DNAAF3: variants seen among roughly 807,000 people sequenced by gnomAD.
DNAAF3 encodes the protein dynein axonemal assembly factor 3, also known as UPF0470 protein C19orf51.
Under a neutral mutation model 50.9 loss-of-function variants are expected in DNAAF3, and 40 were observed. That is an observed-to-expected ratio of 0.79 (90% confidence interval 0.61 to 1.02). The LOEUF (loss-of-function observed/expected upper bound fraction) is 1.02. DNAAF3 is among the 50% of genes least tolerant of loss of function. The pLI is 0.00. For synonymous variants in DNAAF3, 327 were observed against 322.8 expected, an observed-to-expected ratio of 1.01 and a Z score of -0.14; for missense variants, 763 against 744.7, an observed-to-expected ratio of 1.02 and a Z score of -0.29.
At position 55,161,118 on chromosome 19, in the gene DNAAF3, T is replaced by C. The variant is rs377241953; in HGVS notation, c.859A>G (p.Ile287Val). Reference sequence around the variant, plus strand: ...AGGAGGCTCTCGTCGTCCGCTTCGATGCCGAAGGCCACGAAGGGCCCCGTG... The same window carrying C: ...AGGAGGCTCTCGTCGTCCGCTTCGACGCCGAAGGCCACGAAGGGCCCCGTG... ...IATGPFVAFGIEADDESLLRT... is the reference protein window; with the variant it reads ...IATGPFVAFGVEADDESLLRT... Residue 287 changes from isoleucine to valine, a missense_variant, in exon 8 of 12, where the codon ATC (isoleucine) becomes GTC (valine). Transcript: ENST00000524407. The surrounding 1 kb of genome is among the most constrained non-coding windows in gnomAD (Gnocchi z 6.4). The C allele has an allele frequency of 1.3e-6, 2 of 1,546,780 alleles. No individual in the cohort carries two copies. The highest frequency in any genetic ancestry group is 2.0e-5 in the Admixed American group (1 of 51,028).
chr19:55,165,840 A>T lies in DNAAF3; in HGVS notation c.228+18T>A, dbSNP rs752341373. ...CAAGGACTCGGGAATCTGGGCTCTC[A>T]TCTTCATCCCAGCTCACGTTGAACC... On this transcript the variant is annotated intron_variant, in intron 3 of 11. Transcript: ENST00000524407. The T allele has an allele frequency of 6.2e-7, 1 of 1,612,450 alleles. No homozygotes were observed. The highest frequency in any genetic ancestry group is 2.2e-5 in the East Asian group (1 of 44,832).
In DNAAF3 at chr19:55,166,582, C is replaced by CCCCG. The variant is rs2085943061; in HGVS notation, c.-65_-64insCGGG. 1.2e-6 allele frequency: 2 copies of CCCCG among 1,614,166 alleles called. No homozygotes were observed. The highest frequency in any genetic ancestry group is 4.5e-5 in the East Asian group (2 of 44,882). On this transcript the variant is annotated 5_prime_UTR_variant, in exon 1 of 12. Transcript: ENST00000524407. This position sits in a 1 kb window ranked among gnomAD's most constrained non-coding sequence, Gnocchi z 4.0. ...TCTCTGCTCAGTGCAGCACTGTGGA[C>CCCCG]CCGCGGCACTCCACAACCGCTGCCC...
chr19:55,165,317 C>T, intron 4 of DNAAF3, 53 bp downstream of exon 4: 1 of 1,539,344 alleles, frequency 6.5e-7, no homozygotes, highest in South Asian at 1.1e-5. Context: ...CAGAATCCCT[C>T]TAGGGAGGGG....
Position 55,161,480 on chromosome 19 carries a change from C to A in DNAAF3, c.664-62G>T. ...AACCGAGCGTGGAGAGACCCCTACACCAGCCTCCCTCAGACCCAGGAGTCC... is the reference window on the plus strand; with the variant it reads ...AACCGAGCGTGGAGAGACCCCTACAACAGCCTCCCTCAGACCCAGGAGTCC... On this transcript the variant is annotated intron_variant, in intron 6 of 11. Coordinates refer to ENST00000524407, the MANE Select transcript of DNAAF3 (RefSeq NM_001256715.2). This position sits in a 1 kb window ranked among gnomAD's most constrained non-coding sequence, Gnocchi z 6.4. 6 of 1,541,392 alleles carry A rather than the reference C, an allele frequency of 3.9e-6. No homozygotes were observed. The highest frequency in any genetic ancestry group is 5.2e-6 in the Non-Finnish European group (6 of 1,146,052).
chr19:55,160,858 A>C lies in DNAAF3; in HGVS notation c.913-83T>G. 6.6e-7 allele frequency: 1 copy of C among 1,523,888 alleles called. No homozygotes were observed. The highest frequency in any genetic ancestry group is 8.7e-7 in the Non-Finnish European group (1 of 1,144,198). The allele number at this position is 1,523,888 out of a possible 1,614,324, so 94.4% of individuals were successfully genotyped here. ...GAACGCTGGGAGTCCTCGGTCCAGG[A>C]CTAGAACTCCCGCAGCTGCTTGGAG... is the stretch of plus-strand genomic sequence containing the variant. On this transcript the variant is annotated intron_variant, in intron 8 of 11. Coordinates refer to ENST00000524407, the MANE Select transcript of DNAAF3 (RefSeq NM_001256715.2). The surrounding 1 kb of genome is among the most constrained non-coding windows in gnomAD (Gnocchi z 4.7).
At position 55,161,404 on chromosome 19, in the gene DNAAF3, G is replaced by A. The variant is rs1430003811; in HGVS notation, c.678C>T (p.His226=). The change falls in exon 7 of 12, where the codon CAC becomes CAT. Residue 226 remains histidine, a synonymous_variant. Coordinates refer to ENST00000524407, the MANE Select transcript of DNAAF3 (RefSeq NM_001256715.2). This position sits in a 1 kb window ranked among gnomAD's most constrained non-coding sequence, Gnocchi z 6.4. ...KLHDRGAQVI[H]PQEFRRWRDT... is the part of the protein sequence containing the mutation. Reference sequence around the variant, plus strand: ...CCCGCCAGCGTCGGAACTCCTGGGGGTGAATGACTTGAGCCTGGGGTGGGG... The same window carrying A: ...CCCGCCAGCGTCGGAACTCCTGGGGATGAATGACTTGAGCCTGGGGTGGGG... 9 of 1,062,662 alleles carry A rather than the reference G, an allele frequency of 8.5e-6. No individual in the cohort carries two copies. The highest frequency in any genetic ancestry group is 1.2e-5 in the Non-Finnish European group (9 of 754,366). The allele number at this position is 1,062,662 out of a possible 1,614,324, so 65.8% of individuals were successfully genotyped here.
At chr19:55,162,364 T>G in intron 4 of DNAAF3, 74 bp from the exon 5 acceptor site, 1 of 1,234,332 alleles carries the variant, frequency 8.1e-7, no homozygotes, top group Non-Finnish European at 1.0e-6. Flanking sequence ...AATATGTTAT[T>G]ATGTCATAGT....
In DNAAF3 at chr19:55,161,310, C is replaced by T. The variant is rs370650886; in HGVS notation, c.772G>A (p.Gly258Ser). 18 of 1,609,910 alleles carry T rather than the reference C, an allele frequency of 1.1e-5. No homozygotes were observed. In the African/African-American group the frequency reaches 1.7e-4, roughly 16 times the overall value. Residue 258 changes from glycine (G) to serine (S), a missense_variant, in exon 7 of 12, where the codon GGT becomes AGT. Gly to Ser is a moderately conservative substitution (Grantham distance 56). Transcript: ENST00000524407. This position sits in a 1 kb window ranked among gnomAD's most constrained non-coding sequence, Gnocchi z 6.4. ...YHVPNRTLAS[G>S]RLLSYRGERV... ...ACACGCACGTAGCTCAGGAGGCGAC[C>T]GGACGCCAGGGTCCGGTTGGGCACA...
Position 55,161,834 on chromosome 19 carries a change from C to T in DNAAF3, c.481-9G>A. ...GCATCCCGCTCGCGGAACTGCGGGGCCAGGCACGCGGTGGGACAGAGGAAG... is the reference window on the plus strand; with the variant it reads ...GCATCCCGCTCGCGGAACTGCGGGGTCAGGCACGCGGTGGGACAGAGGAAG... On this transcript the variant is annotated splice_polypyrimidine_tract_variant and intron_variant, in intron 5 of 11. Transcript: ENST00000524407. This position sits in a 1 kb window ranked among gnomAD's most constrained non-coding sequence, Gnocchi z 6.4. The T allele has an allele frequency of 7.0e-7, 1 of 1,433,068 alleles. No homozygotes were observed. The highest frequency in any genetic ancestry group is 1.5e-5 in the African/African-American group (1 of 68,280). 88.8% of individuals were successfully genotyped at this position (1,433,068 alleles called of 1,614,324 possible).
intron 4 of DNAAF3, among the ~76,000 whole-genome samples, chr19:55,164,094 C>T (rs2085893354): frequency 6.6e-6 from 1 of 152,198 alleles, no homozygotes; most frequent in African/African-American, 2.4e-5. Flanking sequence ...CAGATGCCTG[C>T]ATCCCCTTCG....
rs978386009 is a variant in DNAAF3, at chr19:55,166,162, C to T, written c.86-162G>A. The stretch of plus-strand genomic sequence containing the variant: ...TGAGTATTCTGGGATTCGCAGTCCG[C>T]AGACAGGACCTCGGGGCTGCCCCTG... On this transcript the variant is annotated intron_variant, in intron 2 of 11. Transcript: ENST00000524407. This position sits in a 1 kb window ranked among gnomAD's most constrained non-coding sequence, Gnocchi z 4.0. 3.4e-5 allele frequency: 52 copies of T among 1,551,040 alleles called. No individual in the cohort carries two copies. In the South Asian group the frequency reaches 5.6e-4, roughly 17 times the overall value.
Position 55,165,990 on chromosome 19 carries a change from C to A in DNAAF3, c.96G>T (p.Val32=). The change falls in exon 3 of 12, where the codon GTG becomes GTT. Residue 32 remains valine, a synonymous_variant. Coordinates refer to ENST00000524407, the MANE Select transcript of DNAAF3 (RefSeq NM_001256715.2). ...CTGTATCGGCCTGGGAGTCTGGGTC[C>A]ACAGGAGGACCTGGCAAGATGACAG... is the stretch of plus-strand genomic sequence containing the variant. ...ALDLQAESPP[V]DPDSQADTVH... The A allele has an allele frequency of 6.2e-7, 1 of 1,614,218 alleles. No homozygotes were observed.
intron 4 of DNAAF3, among the ~76,000 whole-genome samples, chr19:55,163,071 G>C (rs1322055714): frequency 7.4e-6 from 1 of 135,864 alleles, no homozygotes. Flanking sequence ...GTGCAGTGGC[G>C]CGATCCCGGC....
chr19:55,163,559 T>G (rs2085883873), intron 4 of DNAAF3, among the ~76,000 whole-genome samples: 1 of 151,996 alleles, frequency 6.6e-6, no homozygotes, highest in Admixed American at 6.6e-5. Flanking sequence ...CCCAAAGTGT[T>G]AGGATTACAG....
chr19:55,165,927 G>A lies in DNAAF3; in HGVS notation c.159C>T (p.Gly53=), dbSNP rs529300481. 2 of 1,614,092 alleles carry A rather than the reference G, an allele frequency of 1.2e-6. No homozygotes were observed. Among genetic ancestry groups the A allele is most frequent in the Non-Finnish European group, 8.5e-7 (1 of 1,180,050 alleles). The change falls in exon 3 of 12, where the codon GGC becomes GGT. Residue 53 remains glycine (G), a synonymous_variant. Coordinates refer to ENST00000524407, the MANE Select transcript of DNAAF3 (RefSeq NM_001256715.2). Reference sequence around the variant, plus strand: ...GCAGCAGGTGCCGTCCATCCACAGAGCCCAGAAGCAGCACATCTAGCTCGG... The same window carrying A: ...GCAGCAGGTGCCGTCCATCCACAGAACCCAGAAGCAGCACATCTAGCTCGG... ...SNPELDVLLL[G]SVDGRHLLRT... is the part of the protein sequence containing the mutation.
Position 55,160,071 on chromosome 19 carries a change from C to T in DNAAF3, c.1049-58G>A. 8.3e-7 allele frequency: 1 copy of T among 1,208,424 alleles called. No homozygotes were observed. The highest frequency in any genetic ancestry group is 1.2e-6 in the Non-Finnish European group (1 of 815,230). 74.9% of individuals were successfully genotyped at this position (1,208,424 alleles called of 1,614,324 possible). A position where few individuals can be genotyped will look rare whatever the true frequency, so the allele number is the denominator to read the frequency against. On this transcript the variant is annotated intron_variant, in intron 9 of 11. Coordinates refer to ENST00000524407, the MANE Select transcript of DNAAF3 (RefSeq NM_001256715.2). The surrounding 1 kb of genome is among the most constrained non-coding windows in gnomAD (Gnocchi z 4.7). ...CAGGCGGAGCCATAAGGGCGGAAAA[C>T]CAGAGAGATACACAGAGCTGGGCAG...
Position 55,161,753 on chromosome 19 carries a change from G to C in DNAAF3, c.553C>G (p.Pro185Ala). 6.5e-7 allele frequency: 1 copy of C among 1,532,546 alleles called. No homozygotes were observed. Among genetic ancestry groups the C allele is most frequent in the South Asian group, 1.2e-5 (1 of 82,750 alleles). The allele number at this position is 1,532,546 out of a possible 1,614,324, so 94.9% of individuals were successfully genotyped here. A position where few individuals can be genotyped will look rare whatever the true frequency, so the allele number is the denominator to read the frequency against. ...CGCGAGTCCCAGAGGCGGCTCATGG[G>C]GAACGCCTGGGGCCCTTTCTCGCCG... ...AGGEKGPQAF[P>A]MSRLWDSRLR... Residue 185 changes from proline to alanine, a missense_variant, in exon 6 of 12, where the codon CCC becomes GCC. Pro to Ala is a conservative substitution (Grantham distance 27, BLOSUM62 -1). Coordinates refer to ENST00000524407, the MANE Select transcript of DNAAF3 (RefSeq NM_001256715.2). The surrounding 1 kb of genome is among the most constrained non-coding windows in gnomAD (Gnocchi z 6.4).
rs777418027 is a variant in DNAAF3, at chr19:55,160,747, A to C, written c.941T>G (p.Val314Gly). The change falls in exon 9 of 12, where the codon GTG becomes GGG. Residue 314 changes from valine to glycine, a missense_variant. By Grantham distance (109) the Val-to-Gly change is moderately radical. Coordinates refer to ENST00000524407, the MANE Select transcript of DNAAF3 (RefSeq NM_001256715.2). The surrounding 1 kb of genome is among the most constrained non-coding windows in gnomAD (Gnocchi z 4.7). ...KTAGEITQHNVTELLRDVAAW... is the reference protein window; with the variant it reads ...KTAGEITQHNGTELLRDVAAW... ...GGCCACGTCGCGGAGCAGCTCCGTC[A>C]CGTTGTGTTGAGTGATCTCCCCGGC... 7.4e-6 allele frequency: 12 copies of C among 1,612,092 alleles called. No homozygotes were observed. Among genetic ancestry groups the C allele is most frequent in the Non-Finnish European group, 1.7e-6 (2 of 1,179,784 alleles).
At chr19:55,165,537 C>A in intron 3 of DNAAF3, 74 bp from the exon 4 acceptor site, 4 of 1,418,194 alleles carry the variant, frequency 2.8e-6, no homozygotes, top group Non-Finnish European at 3.9e-6. Context: ...GAGAGCAGGC[C>A]CTCAGCTCTC....
Sources: allele counts gnomAD v4.1 joint callset (sites outside exome capture counted in the v4.1 genomes callset), GRCh38; gene constraint gnomAD v4.1.1; non-coding constraint Gnocchi (gnomAD v3.1); transcripts MANE v1.5; gene names NCBI Gene and HGNC (gene_info 2026-07-23, HGNC 2026-07-21).